ZNF558: variants seen among roughly 807,000 people sequenced by gnomAD.
ZNF558 encodes zinc finger protein 558.
Under a neutral mutation model 37.6 loss-of-function variants are expected in ZNF558, and 23 were observed. That is an observed-to-expected ratio of 0.61 (90% CI 0.44 to 0.87). The LOEUF is 0.87. Among genes scored for constraint, ZNF558 ranks in the 40% least tolerant of loss-of-function variants. The probability of loss-of-function intolerance (pLI) is 0.00; values close to 1 mark genes in which losing one functional copy is unlikely to be tolerated. For synonymous variants in ZNF558, 189 were observed against 174.4 expected, an observed-to-expected ratio of 1.08 and a Z score of -0.66; for missense variants, 429 against 483.7, an observed-to-expected ratio of 0.89 and a Z score of 1.06.
In ZNF558 at chr19:8,811,090, T is replaced by C. The variant is rs149503399; in HGVS notation, c.*191A>G. ...AGATCCTGCAGTGTAACTACAGAGA[T>C]AAGCTGTTCTTGAATTCCTGATCTG... On this transcript the variant is annotated 3_prime_UTR_variant, in exon 10 of 10. Transcript: ENST00000601372. The C allele has an allele frequency of 1.0e-3, 584 of 568,592 alleles. 1 individual carries two copies. Among genetic ancestry groups the C allele is most frequent in the Middle Eastern group, 7.0e-3 (15 of 2,142 alleles). 35.2% of individuals were successfully genotyped at this position (568,592 alleles called of 1,614,324 possible). A position where few individuals can be genotyped will look rare whatever the true frequency, so the allele number is the denominator to read the frequency against.
At chr19:8,825,893 G>A (rs2044220171) in intron 2 of ZNF558, among the ~76,000 whole-genome samples, 1 of 152,190 alleles carries the variant, frequency 6.6e-6, no homozygotes, top group Non-Finnish European at 1.5e-5. Context: ...GCAGCTGTGA[G>A]GAAGGCAAGG....
intron 6 of ZNF558, 124 bp from the exon 7 acceptor site, chr19:8,821,430 T>C: frequency 6.3e-7 from 1 of 1,577,064 alleles, no homozygotes; most frequent in Non-Finnish European, 8.6e-7. Flanking sequence ...GGGGGGGTGG[T>C]TCTGAGCTCA....
rs1249517122 is a variant in ZNF558, at chr19:8,824,400, C to T, written c.-384G>A. On this transcript the variant is annotated 5_prime_UTR_variant, in exon 4 of 10. Coordinates refer to ENST00000601372, the MANE Select transcript of ZNF558 (RefSeq NM_144693.3). ...AAGTTTCCAGCCAGAGCCTTCCAGC[C>T]AAGCTGCTCCTGAATTCCTGAAACA... 6.6e-6 allele frequency: 1 copy of T among 152,282 alleles called. No homozygotes were observed. Among genetic ancestry groups the T allele is most frequent in the African/African-American group, 2.4e-5 (1 of 41,468 alleles). The allele number at this position is 152,282 out of a possible 1,614,324, so 9.4% of individuals were successfully genotyped here.
rs80034034 is a variant in ZNF558 at position 8,823,292 on chromosome 19, T to G, written c.-65-568A>C. Among the ~76,000 whole-genome samples, 184 of 146,124 alleles carry G rather than the reference T, an allele frequency of 1.3e-3. 4 individuals carry two copies. In the East Asian group the frequency reaches 0.033, roughly 26 times the overall value. On this transcript the variant is annotated intron_variant, in intron 4 of 9. Coordinates refer to ENST00000601372, the MANE Select transcript of ZNF558 (RefSeq NM_144693.3). ...CTCAACTTCCACGGCGTTCACTCCTTTTTTCTCTCACCGCATGTCCTCCGA... is the reference window on the plus strand; with the variant it reads ...CTCAACTTCCACGGCGTTCACTCCTGTTTTCTCTCACCGCATGTCCTCCGA...
At position 8,822,789 on chromosome 19, in the gene ZNF558, C is replaced by A. The variant is rs1421219211; in HGVS notation, c.-65-65G>T. ...TCCCTCTCGGGCTGCTGGGGATGGG[C>A]CCTCCTCAACCCATCCTTCCCATCC... On this transcript the variant is annotated intron_variant, in intron 4 of 9. Coordinates refer to ENST00000601372, the MANE Select transcript of ZNF558 (RefSeq NM_144693.3). The surrounding 1 kb of genome is among the most constrained non-coding windows in gnomAD (Gnocchi z 4.4). 7.3e-6 allele frequency: 10 copies of A among 1,360,548 alleles called. No homozygotes were observed. Among genetic ancestry groups the A allele is most frequent in the East Asian group, 4.7e-5 (2 of 42,870 alleles). The allele number at this position is 1,360,548 out of a possible 1,614,324, so 84.3% of individuals were successfully genotyped here.
At chr19:8,825,590 T>G (rs2044213089) in intron 2 of ZNF558, among the ~76,000 whole-genome samples, 1 of 150,264 alleles carries the variant, frequency 6.7e-6, no homozygotes, top group Non-Finnish European at 1.5e-5. Flanking sequence ...TTCTCCAGAT[T>G]TATAGAATAA....
intron 7 of ZNF558, among the ~76,000 whole-genome samples, chr19:8,817,886 C>T (rs1417603868): frequency 1.3e-5 from 2 of 152,144 alleles, no homozygotes; most frequent in East Asian, 1.9e-4. Context: ...CTATAATAAT[C>T]GTTTGAGACT....
chr19:8,818,719 G>A (rs2044004502), intron 7 of ZNF558, among the ~76,000 whole-genome samples: 1 of 152,048 alleles, frequency 6.6e-6, no homozygotes, highest in South Asian at 2.1e-4. Context: ...TTGTGGTACT[G>A]ACCCAAGGAC....
chr19:8,814,122 G>C (rs910920060), intron 7 of ZNF558, among the ~76,000 whole-genome samples: 1 of 152,238 alleles, frequency 6.6e-6, no homozygotes, highest in Non-Finnish European at 1.5e-5. Context: ...GCAATCAGGA[G>C]AATGCCTTCT....
rs782372128 is a variant in ZNF558 at position 8,811,581 on chromosome 19, C to T, written c.909G>A (p.Lys303=). Residue 303 remains lysine, a synonymous_variant, in exon 10 of 10, where the codon AAG becomes AAA. Transcript: ENST00000601372. Reference sequence around the variant, plus strand: ...TTACGTGCTGTGTCAGATAGGAGCTCTTCCTGAAGGTTTTCCCACAATCGT... The same window carrying T: ...TTACGTGCTGTGTCAGATAGGAGCTTTTCCTGAAGGTTTTCCCACAATCGT... The part of the protein sequence containing the change: ...ECHDCGKTFR[K]SSYLTQHVRT... The T allele has an allele frequency of 3.7e-6, 6 of 1,613,958 alleles. No homozygotes were observed. The highest frequency in any genetic ancestry group is 5.1e-6 in the Non-Finnish European group (6 of 1,180,020).
chr19:8,830,108 C>T (rs2145311301), intron 2 of ZNF558, among the ~76,000 whole-genome samples: 1 of 152,194 alleles, frequency 6.6e-6, no homozygotes, highest in East Asian at 1.9e-4. Flanking sequence ...ATAGTAAGTT[C>T]CCACAAGATC....
At chr19:8,836,718 C>T (rs1379610447), upstream of ZNF558, among the ~76,000 whole-genome samples, 1 of 152,188 alleles carries the variant, frequency 6.6e-6, no homozygotes, top group Non-Finnish European at 1.5e-5. Context: ...TCTCGAACTC[C>T]TGAGCGCAAG....
rs888489495 is a variant in ZNF558 at position 8,825,428 on chromosome 19, GA to G, written c.-508-321del. On this transcript the variant is annotated intron_variant, in intron 2 of 9. Coordinates refer to ENST00000601372, the MANE Select transcript of ZNF558 (RefSeq NM_144693.3). ...AAATAACAAAGAAACATGTAGCCAGGAAAAAAAAACCCCAAACCAAAACCAA... is the reference window on the plus strand; with the variant it reads ...AAATAACAAAGAAACATGTAGCCAGGAAAAAAAACCCCAAACCAAAACCAA... Among the ~76,000 whole-genome samples, 5 of 148,890 alleles carry G rather than the reference GA, an allele frequency of 3.4e-5. 1 individual carries two copies. The highest frequency in any genetic ancestry group is 2.0e-4 in the East Asian group (1 of 5,080).
chr19:8,815,666 T>C (rs1323461164), intron 7 of ZNF558, among the ~76,000 whole-genome samples: 4 of 151,966 alleles, frequency 2.6e-5, no homozygotes, highest in Non-Finnish European at 1.5e-5. Context: ...TCTCTAGCCA[T>C]GCCTCCCTAT....
intron 1 of ZNF558, 98 bp downstream of exon 1, chr19:8,832,111 A>C (rs2044374289): frequency 6.6e-6 from 1 of 152,132 alleles, no homozygotes; most frequent in Admixed American, 6.5e-5. Flanking sequence ...CATGAACCGA[A>C]ACACGGCTCC....
Position 8,806,625 on chromosome 19 carries a change from G to A in ZNF558, c.*4656C>T, listed in dbSNP as rs1221988812. 6.6e-6 allele frequency: 1 copy of A among 151,588 alleles called. No homozygotes were observed. Among genetic ancestry groups the A allele is most frequent in the Non-Finnish European group, 1.5e-5 (1 of 67,982 alleles). The allele number at this position is 151,588 out of a possible 1,614,324, so 9.4% of individuals were successfully genotyped here. On this transcript the variant is annotated 3_prime_UTR_variant, in exon 10 of 10. Transcript: ENST00000601372. ...GAGGCAGGAGAATCACTTGAACCCA[G>A]GAGGAGGAGGTTGCAGTGAGCCGAG...
intron 2 of ZNF558, chr19:8,830,639 C>G (rs1410832795): frequency 6.6e-6 from 1 of 152,146 alleles, no homozygotes; most frequent in South Asian, 2.1e-4. Context: ...TGCCTGTAAT[C>G]CCAGCACTTT....
chr19:8,834,377 AGGCAG>A (rs2044430222), upstream of ZNF558, among the ~76,000 whole-genome samples: 1 of 152,226 alleles, frequency 6.6e-6, no homozygotes, highest in South Asian at 2.1e-4. Flanking sequence ...TGGGAGGCTG[AGGCAG>A]GCAGATCACG....
chr19:8,818,827 C>T lies in ZNF558; in HGVS notation c.247+2353G>A, dbSNP rs185581045. On this transcript the variant is annotated intron_variant, in intron 7 of 9. Transcript: ENST00000601372. ...GGCGGATCACTTGAGGTCAGGAGTT[C>T]GAGATATACAGACCAATGGAACAGA... is the stretch of plus-strand genomic sequence containing the variant. 3.1e-3 allele frequency among the ~76,000 whole-genome samples: 466 copies of T among 152,042 alleles called. 2 individuals are homozygous for T. Among genetic ancestry groups the T allele is most frequent in the African/African-American group, 0.01 (420 of 41,444 alleles).
Sources: gnomAD v4.1 joint callset for allele counts (sites outside exome capture counted in the v4.1 genomes callset) on GRCh38, gnomAD v4.1.1 for gene constraint, Gnocchi (gnomAD v3.1) non-coding constraint, MANE v1.5 for transcripts, NCBI Gene and HGNC (gene_info 2026-07-23, HGNC 2026-07-21) for gene names.